RTTN: variants seen among roughly 807,000 people sequenced by gnomAD.
RTTN encodes rotatin.
RTTN carries 182 observed loss-of-function variants against 269.2 expected under a neutral mutation model. The observed-to-expected ratio is 0.68, with a 90% CI of 0.60 to 0.76. The LOEUF is 0.76. Ranked by LOEUF, RTTN falls within the 30% of genes least tolerant of loss-of-function variation. The pLI is 0.00. For synonymous variants in RTTN, 1,006 were observed against 963.5 expected, an observed-to-expected ratio of 1.04 and a Z score of -0.82; for missense variants, 2,545 against 2,608.6, an observed-to-expected ratio of 0.98 and a Z score of 0.53.
chr18:70,023,505 C>T (rs768522891), intron 44 of RTTN, among the ~76,000 whole-genome samples: 1 of 152,160 alleles, frequency 6.6e-6, no homozygotes, highest in Non-Finnish European at 1.5e-5. Context: ...TTCAAGTCTG[C>T]TTCTTTTAAA....
At chr18:70,189,922 C>T (rs1215848507) in intron 9 of RTTN, among the ~76,000 whole-genome samples, 1 of 152,196 alleles carries the variant, frequency 6.6e-6, no homozygotes, top group Non-Finnish European at 1.5e-5. Flanking sequence ...TCAACCTCTT[C>T]AAATTTTCCT....
chr18:70,056,018 T>G (rs1431410168), intron 37 of RTTN, among the ~76,000 whole-genome samples: 1 of 152,190 alleles, frequency 6.6e-6, no homozygotes, highest in African/African-American at 2.4e-5. Flanking sequence ...GACACACCCT[T>G]TTACCCATCC....
At chr18:70,115,353 T>C (rs925369379) in intron 26 of RTTN, among the ~76,000 whole-genome samples, 1 of 151,924 alleles carries the variant, frequency 6.6e-6, no homozygotes, top group African/African-American at 2.4e-5. Flanking sequence ...CAAATACTAG[T>C]TCTTTCTAAA....
intron 19 of RTTN, 29 bp downstream of exon 19, chr18:70,142,259 C>T (rs1047217833): frequency 1.5e-6 from 2 of 1,360,348 alleles, no homozygotes; most frequent in Non-Finnish European, 2.1e-6. Flanking sequence ...ATCAGCAGTA[C>T]AGCAATCATT....
At chr18:70,038,720 A>G (rs2057250644) in intron 40 of RTTN, among the ~76,000 whole-genome samples, 1 of 152,228 alleles carries the variant, frequency 6.6e-6, no homozygotes, top group African/African-American at 2.4e-5. Flanking sequence ...GACCCCACCA[A>G]ATGAACTAAA....
chr18:70,205,318 G>A lies in RTTN; in HGVS notation c.32-3C>T, dbSNP rs75577820. ...CCTGATCTCGGCCAGCTGATGACCT[G>A]TCAACGAACGGCACAAAACTATTTT... is the stretch of plus-strand genomic sequence containing the variant. On this transcript the variant is annotated splice_region_variant and splice_polypyrimidine_tract_variant and intron_variant, in intron 1 of 48. Coordinates refer to ENST00000640769, the MANE Select transcript of RTTN (RefSeq NM_173630.4). 13,733 of 1,613,960 alleles carry A rather than the reference G, an allele frequency of 8.5e-3. 69 individuals are homozygous for A. Among genetic ancestry groups the A allele is most frequent in the Non-Finnish European group, 9.4e-3 (11,108 of 1,179,878 alleles).
chr18:70,146,677 A>G (rs900980199), intron 17 of RTTN, among the ~76,000 whole-genome samples: 1 of 152,200 alleles, frequency 6.6e-6, no homozygotes, highest in South Asian at 2.1e-4. Context: ...TATGACAATT[A>G]ATAATAAAGA....
intron 26 of RTTN, among the ~76,000 whole-genome samples, chr18:70,119,026 C>A (rs1404322883): frequency 2.2e-4 from 33 of 152,216 alleles, no homozygotes. Context: ...AGGAACAAGA[C>A]AAGGATGTCT....
intron 14 of RTTN, among the ~76,000 whole-genome samples, chr18:70,152,985 T>C (rs956758117): frequency 1.3e-5 from 2 of 152,160 alleles, no homozygotes; most frequent in African/African-American, 4.8e-5. Flanking sequence ...TCTGGTACCA[T>C]TTTTCTATTA....
chr18:70,141,538 C>T lies in RTTN; in HGVS notation c.2581+750G>A, dbSNP rs138925065. On this transcript the variant is annotated intron_variant, in intron 19 of 48. Transcript: ENST00000640769. Reference sequence around the variant, plus strand: ...TATCACAAAGACAGAAAACCAAACACCGCATGTTCTCACTCACAGGTGGGA... The same window carrying T: ...TATCACAAAGACAGAAAACCAAACATCGCATGTTCTCACTCACAGGTGGGA... Among the ~76,000 whole-genome samples the T allele has an allele frequency of 2.9e-3, 443 of 152,286 alleles. 3 individuals carry two copies. The highest frequency in any genetic ancestry group is 0.01 in the Middle Eastern group (3 of 294).
rs1025828527 is a variant in RTTN, at chr18:70,086,537, T to C, written c.4374+76A>G. The C allele has an allele frequency of 1.1e-5, 12 of 1,100,192 alleles. No individual in the cohort carries two copies. In the African/African-American group the frequency reaches 1.8e-4, roughly 16 times the overall value. The allele number at this position is 1,100,192 out of a possible 1,614,324, so 68.2% of individuals were successfully genotyped here. On this transcript the variant is annotated intron_variant, in intron 32 of 48. Transcript: ENST00000640769. ...ATATAGTTTCATCAATAATGAAATA[T>C]ACTACTTATACTGAAAATTTATCAC...
chr18:70,020,108 A>T (rs4891802), intron 45 of RTTN, among the ~76,000 whole-genome samples: 1 of 152,086 alleles, frequency 6.6e-6, no homozygotes, highest in Non-Finnish European at 1.5e-5. Context: ...AATTACCTTA[A>T]GTTAAAATCA....
intron 43 of RTTN, among the ~76,000 whole-genome samples, chr18:70,025,584 C>A (rs1054570800): frequency 6.6e-6 from 1 of 152,196 alleles, no homozygotes; most frequent in Non-Finnish European, 1.5e-5. Flanking sequence ...CAATGTTCAA[C>A]ACTCTCCGTA....
At chr18:70,103,395 C>T (rs552698875) in intron 28 of RTTN, among the ~76,000 whole-genome samples, 4 of 152,208 alleles carry the variant, frequency 2.6e-5, no homozygotes, top group African/African-American at 9.6e-5. Flanking sequence ...TAGCAGACTC[C>T]ATTTTGTTCT....
chr18:70,020,714 A>G lies in RTTN; in HGVS notation c.6054T>C (p.Ala2018=). The change falls in exon 45 of 49, where the codon GCT becomes GCC. Residue 2018 remains alanine, a synonymous_variant. Transcript: ENST00000640769. ...NSLMLCILKL[A]SQMPLENTTV... is the part of the protein sequence containing the mutation. The stretch of plus-strand genomic sequence containing the variant: ...TGGTGTTCTCCAGTGGCATCTGGGA[A>G]GCCAACTTTAGGATACACAGCATCA... 1 of 1,614,092 alleles carries G rather than the reference A, an allele frequency of 6.2e-7. No homozygotes were observed. Among genetic ancestry groups the G allele is most frequent in the East Asian group, 2.2e-5 (1 of 44,886 alleles).
intron 25 of RTTN, among the ~76,000 whole-genome samples, chr18:70,123,906 G>A (rs1486817592): frequency 6.6e-6 from 1 of 151,948 alleles, no homozygotes; most frequent in Non-Finnish European, 1.5e-5. Context: ...AAAGCAGTAG[G>A]AAAAGAAAGG....
At position 70,017,686 on chromosome 18, in the gene RTTN, T is replaced by G; in HGVS notation, c.6154-12A>C. On this transcript the variant is annotated splice_polypyrimidine_tract_variant and intron_variant, in intron 45 of 48. Transcript: ENST00000640769. ...TGTAAGAAGTTACTCTGTGGATAAA[T>G]AGAGAGAATATTATTTTCTTCTCAT... is the stretch of plus-strand genomic sequence containing the variant. The G allele has an allele frequency of 6.3e-7, 1 of 1,591,780 alleles. No homozygotes were observed. Among genetic ancestry groups the G allele is most frequent in the Non-Finnish European group, 8.6e-7 (1 of 1,169,466 alleles).
chr18:70,104,494 A>G lies in RTTN; in HGVS notation c.3903+5004T>C, dbSNP rs147624423. ...AATCTTCTGAAGCCTTCTTCTCTCAACTCGTCAAAGTCATTCTCCGTCCAG... is the reference window on the plus strand; with the variant it reads ...AATCTTCTGAAGCCTTCTTCTCTCAGCTCGTCAAAGTCATTCTCCGTCCAG... On this transcript the variant is annotated intron_variant, in intron 28 of 48. Coordinates refer to ENST00000640769, the MANE Select transcript of RTTN (RefSeq NM_173630.4). Among the ~76,000 whole-genome samples the G allele has an allele frequency of 6.0e-3, 915 of 152,206 alleles. 3 individuals carry two copies. Among genetic ancestry groups the G allele is most frequent in the Middle Eastern group, 0.01 (3 of 294 alleles).
intron 41 of RTTN, 91 bp downstream of exon 41, chr18:70,030,785 A>AT (rs2056989469): frequency 1.6e-5 from 16 of 970,928 alleles, no homozygotes; most frequent in Non-Finnish European, 2.3e-5. Flanking sequence ...CGTTTTTTAC[A>AT]TTTTGAGTCC....
Sources: allele counts gnomAD v4.1 joint callset (sites outside exome capture counted in the v4.1 genomes callset), GRCh38; gene constraint gnomAD v4.1.1; transcripts MANE v1.5; gene names NCBI Gene and HGNC (gene_info 2026-07-23, HGNC 2026-07-21).